ARHGEF4: variants seen among roughly 807,000 people sequenced by gnomAD.
The protein encoded by ARHGEF4 is Rho guanine nucleotide exchange factor 4.
In ARHGEF4, 119 loss-of-function variants were observed where a neutral mutation model predicts 162.0. That is an observed-to-expected ratio of 0.73 (90% CI 0.63 to 0.86). The LOEUF is 0.86. ARHGEF4 is among the 40% of genes least tolerant of loss of function. The probability of loss-of-function intolerance (pLI) is 0.00; values close to 1 mark genes in which losing one functional copy is unlikely to be tolerated. For synonymous variants in ARHGEF4, 1,014 were observed against 979.9 expected, an observed-to-expected ratio of 1.03 and a Z score of -0.65; for missense variants, 2,488 against 2,456.0, an observed-to-expected ratio of 1.01 and a Z score of -0.28.
chr2:130,911,972 C>T (rs987537885), intron 1 of ARHGEF4, among the ~76,000 whole-genome samples: 1 of 152,212 alleles, frequency 6.6e-6, no homozygotes, highest in Non-Finnish European at 1.5e-5. Context: ...TGACATCAAG[C>T]TATGTCAATG....
rs963982199 is a variant in ARHGEF4, at chr2:130,867,377, A to G, written c.39+30385A>G. 5.3e-5 allele frequency among the ~76,000 whole-genome samples: 8 copies of G among 151,844 alleles called. No homozygotes were observed. The East Asian group carries it at 1.2e-3, about 22-fold the overall frequency. Reference sequence around the variant, plus strand: ...CCTCAGCCTCTTGAGTACTGGGATTACAGGTGCGTGCCACTGCGCCTGGCT... The same window carrying G: ...CCTCAGCCTCTTGAGTACTGGGATTGCAGGTGCGTGCCACTGCGCCTGGCT... On this transcript the variant is annotated intron_variant, in intron 1 of 13. Transcript: ENST00000409359.
chr2:130,850,668 A>C (rs1681345330), intron 1 of ARHGEF4, among the ~76,000 whole-genome samples: 1 of 152,246 alleles, frequency 6.6e-6, no homozygotes, highest in South Asian at 2.1e-4. Context: ...GCAGTGGGCC[A>C]CAGGGTGGTA....
chr2:130,944,341 A>T (rs1683483654), intron 3 of ARHGEF4, among the ~76,000 whole-genome samples: 1 of 152,206 alleles, frequency 6.6e-6, no homozygotes, highest in Admixed American at 6.5e-5. Context: ...TTCAGAAATT[A>T]TTCTTGATAT....
chr2:130,936,086 A>C (rs1682927490), intron 3 of ARHGEF4, among the ~76,000 whole-genome samples: 1 of 152,158 alleles, frequency 6.6e-6, no homozygotes, highest in African/African-American at 2.4e-5. Flanking sequence ...ATCTACTGAA[A>C]CTTGTTTTCT....
chr2:130,839,724 G>A (rs1285080546), intron 1 of ARHGEF4, among the ~76,000 whole-genome samples: 1 of 152,188 alleles, frequency 6.6e-6, no homozygotes, highest in African/African-American at 2.4e-5. Context: ...GGCCCTCCCA[G>A]CATCGTGTGT....
At chr2:131,023,074 C>CG (rs1689240852) in intron 4 of ARHGEF4, among the ~76,000 whole-genome samples, 6 of 66,650 alleles carry the variant, frequency 9.0e-5, no homozygotes, top group African/African-American at 3.3e-4. Context: ...AACCCTGTCT[C>CG]AAAAAAAAAA....
At chr2:131,026,729 C>T (rs948241563) in intron 4 of ARHGEF4, among the ~76,000 whole-genome samples, 20 of 152,112 alleles carry the variant, frequency 1.3e-4, no homozygotes, top group Admixed American at 6.5e-5. Context: ...TTAAATGTCT[C>T]GTAATGCCAA....
At chr2:131,038,342 C>A (rs1342812896) in intron 5 of ARHGEF4, among the ~76,000 whole-genome samples, 1 of 151,244 alleles carries the variant, frequency 6.6e-6, no homozygotes, top group Non-Finnish European at 1.5e-5. Flanking sequence ...CCTTGCAGCC[C>A]CCAGGCCCTC....
At chr2:130,891,380 A>G (rs1192908833) in intron 1 of ARHGEF4, among the ~76,000 whole-genome samples, 1 of 152,196 alleles carries the variant, frequency 6.6e-6, no homozygotes, top group South Asian at 2.1e-4. Context: ...CTAGCTATGA[A>G]CATTTAGATC....
In ARHGEF4 at chr2:130,950,686, A is replaced by ACCCCC. The variant is rs141201333; in HGVS notation, c.3985+4053_3985+4057dup. ...AAGAAGCTCTGTACCTTTAGCTATT[A>ACCCCC]CCCCCCACCACCACCCGAAGGAACC... On this transcript the variant is annotated intron_variant, in intron 4 of 13. Coordinates refer to ENST00000409359, the MANE Select transcript of ARHGEF4 (RefSeq NM_001367493.1). Among the ~76,000 whole-genome samples, 30 of 142,378 alleles carry ACCCCC rather than the reference A, an allele frequency of 2.1e-4. 1 individual carries two copies. Among genetic ancestry groups the ACCCCC allele is most frequent in the Middle Eastern group, 3.8e-3 (1 of 260 alleles). 93.4% of individuals were successfully genotyped at this position (142,378 alleles called of 152,430 possible). A position where few individuals can be genotyped will look rare whatever the true frequency, so the allele number is the denominator to read the frequency against.
chr2:131,041,771 C>G (rs1394230040), intron 9 of ARHGEF4, 44 bp from the exon 10 acceptor site: 16 of 1,599,138 alleles, frequency 1.0e-5, no homozygotes, highest in Non-Finnish European at 1.4e-5. Flanking sequence ...CACCCTTTCT[C>G]TGTCTCCAGC....
At chr2:130,968,692 G>A (rs1306592644) in intron 4 of ARHGEF4, among the ~76,000 whole-genome samples, 1 of 152,160 alleles carries the variant, frequency 6.6e-6, no homozygotes, top group African/African-American at 2.4e-5. Flanking sequence ...GGCCAAGGCG[G>A]GCAGATCACA....
chr2:130,954,708 A>G (rs1684164351), intron 4 of ARHGEF4, among the ~76,000 whole-genome samples: 1 of 152,086 alleles, frequency 6.6e-6, no homozygotes, highest in Admixed American at 6.5e-5. Flanking sequence ...CTCTTTTAGG[A>G]TATTCCCCCT....
At chr2:130,959,740 CA>C (rs1684523094) in intron 4 of ARHGEF4, among the ~76,000 whole-genome samples, 1 of 152,144 alleles carries the variant, frequency 6.6e-6, no homozygotes, top group Non-Finnish European at 1.5e-5. Flanking sequence ...GTAATTTGCC[CA>C]AGGTCACAAC....
At chr2:130,924,807 T>C (rs1454673248) in intron 2 of ARHGEF4, among the ~76,000 whole-genome samples, 1 of 152,178 alleles carries the variant, frequency 6.6e-6, no homozygotes, top group Non-Finnish European at 1.5e-5. Context: ...TCAAAACTCC[T>C]GTGAGTGTTT....
intron 4 of ARHGEF4, among the ~76,000 whole-genome samples, chr2:131,008,299 G>A (rs1688253450): frequency 6.6e-6 from 1 of 151,944 alleles, no homozygotes; most frequent in Admixed American, 6.6e-5. Context: ...GTTTTCTTAG[G>A]ATAAAACCCT....
At position 130,915,215 on chromosome 2, in the gene ARHGEF4, C is replaced by T; in HGVS notation, c.1269C>T (p.Leu423=). The change falls in exon 2 of 14, where the codon CTC becomes CTT. Residue 423 remains leucine (L), a synonymous_variant. Coordinates refer to ENST00000409359, the MANE Select transcript of ARHGEF4 (RefSeq NM_001367493.1). ...CTCAGGACACTCCTTCTGCAGGTCT[C>T]CTGGGGGAAAACCAGTTAAGACAGG... ...RASQDTPSAG[L]LGENQLRQDS... The T allele has an allele frequency of 6.4e-7, 1 of 1,550,596 alleles. No individual in the cohort carries two copies. The highest frequency in any genetic ancestry group is 8.7e-7 in the Non-Finnish European group (1 of 1,147,006).
At chr2:131,036,786 G>C (rs941247908) in intron 5 of ARHGEF4, among the ~76,000 whole-genome samples, 1 of 152,206 alleles carries the variant, frequency 6.6e-6, no homozygotes, top group Admixed American at 6.5e-5. Context: ...GTCACCTCCT[G>C]ACAGCCTGTG....
chr2:130,990,714 A>T (rs1167883222), intron 4 of ARHGEF4, among the ~76,000 whole-genome samples: 3 of 152,164 alleles, frequency 2.0e-5, no homozygotes, highest in Non-Finnish European at 2.9e-5. Context: ...GTCATTATCC[A>T]CTTGGGAACA....
Sources: allele counts gnomAD v4.1 joint callset (sites outside exome capture counted in the v4.1 genomes callset), GRCh38; gene constraint gnomAD v4.1.1; transcripts MANE v1.5; gene names NCBI Gene and HGNC (gene_info 2026-07-23, HGNC 2026-07-21).